Variants in DPP9 observed in about 807,000 individuals in gnomAD.
DPP9 encodes dipeptidyl peptidase IV-related protein-2.
In DPP9, 50 loss-of-function variants were observed where a neutral mutation model predicts 110.7. That is an observed-to-expected ratio of 0.45 (90% CI 0.36 to 0.57). The LOEUF is 0.57. Among genes scored for constraint, DPP9 ranks in the 20% least tolerant of loss-of-function variants. DPP9 has a pLI of 0.00. For missense variants in DPP9, 1,022 were observed against 1,217.9 expected (o/e 0.84, Z 2.39); for synonymous variants, 561 against 514.4 (o/e 1.09, Z -1.23).
chr19:4,711,771 T>A (rs867837494), intron 4 of DPP9, among the ~76,000 whole-genome samples: 11 of 30,090 alleles, frequency 3.7e-4, no homozygotes, highest in Admixed American at 1.2e-3. Flanking sequence ...AGACTCCATC[T>A]CAAAAAAAAA....
rs1167750426 is a variant in DPP9 at position 4,710,467 on chromosome 19, C to T, written c.313+3614G>A. 2.6e-5 allele frequency among the ~76,000 whole-genome samples: 4 copies of T among 152,196 alleles called. No homozygotes were observed. Among genetic ancestry groups the T allele is most frequent in the Non-Finnish European group, 2.9e-5 (2 of 68,032 alleles). On this transcript the variant is annotated intron_variant, in intron 4 of 21. Coordinates refer to ENST00000262960, the MANE Select transcript of DPP9 (RefSeq NM_139159.5). This position sits in a 1 kb window ranked among gnomAD's most constrained non-coding sequence, Gnocchi z 5.6. ...GCAGTCTGAGGCCTGGAACCTGAGC[C>T]GGCCCCAGCCCATCTTCCCAGCAGC...
At position 4,683,635 on chromosome 19, in the gene DPP9, G is replaced by A. The variant is rs943344561; in HGVS notation, c.2179-6C>T. ...TCCTCGATCTCCACCTGGCCCTGAG[G>A]GATGAAGCCGGGCACCTCTCAGTGG... On this transcript the variant is annotated splice_region_variant and splice_polypyrimidine_tract_variant and intron_variant, in intron 18 of 21. Transcript: ENST00000262960. 2 of 1,613,312 alleles carry A rather than the reference G, an allele frequency of 1.2e-6. No individual in the cohort carries two copies. Among genetic ancestry groups the A allele is most frequent in the Non-Finnish European group, 8.5e-7 (1 of 1,179,844 alleles).
chr19:4,702,796 A>G (rs1054896275), intron 7 of DPP9, 80 bp from the exon 8 acceptor site: 19 of 414,256 alleles, frequency 4.6e-5, no homozygotes, highest in Non-Finnish European at 6.3e-5. Context: ...CAAGGAGAGC[A>G]TGAGAGAGAG....
Position 4,695,294 on chromosome 19 carries a change from C to T in DPP9, c.1353+84G>A, listed in dbSNP as rs564136187. Reference sequence around the variant, plus strand: ...AAGGGCAAACACCACCTGCCATTGGCGCTCAGCCTTCTAGGACGTGGGGGT... The same window carrying T: ...AAGGGCAAACACCACCTGCCATTGGTGCTCAGCCTTCTAGGACGTGGGGGT... On this transcript the variant is annotated intron_variant, in intron 12 of 21. Transcript: ENST00000262960. The surrounding 1 kb of genome is among the most constrained non-coding windows in gnomAD (Gnocchi z 4.7). The T allele has an allele frequency of 9.3e-6, 13 of 1,393,956 alleles. No individual in the cohort carries two copies. The East Asian group carries it at 1.3e-4, about 14-fold the overall frequency. The allele number at this position is 1,393,956 out of a possible 1,614,324, so 86.3% of individuals were successfully genotyped here. A position where few individuals can be genotyped will look rare whatever the true frequency, so the allele number is the denominator to read the frequency against.
chr19:4,676,055 G>A lies in DPP9; in HGVS notation c.*509C>T. 6.4e-6 allele frequency: 1 copy of A among 156,584 alleles called. No homozygotes were observed. The highest frequency in any genetic ancestry group is 1.4e-5 in the Non-Finnish European group (1 of 70,738). The allele number at this position is 156,584 out of a possible 1,614,324, so 9.7% of individuals were successfully genotyped here. On this transcript the variant is annotated 3_prime_UTR_variant, in exon 22 of 22. Coordinates refer to ENST00000262960, the MANE Select transcript of DPP9 (RefSeq NM_139159.5). The surrounding 1 kb of genome is among the most constrained non-coding windows in gnomAD (Gnocchi z 4.0). ...CCCAAAGTGCTGGGATTACAGACGT[G>A]AGCCACCGCGCCCGGCCTGTCTTTT...
chr19:4,690,703 G>A (rs1437342315), intron 14 of DPP9, among the ~76,000 whole-genome samples, 175 bp downstream of exon 14: 2 of 152,208 alleles, frequency 1.3e-5, no homozygotes, highest in Non-Finnish European at 2.9e-5. Context: ...CCGTGCTGAG[G>A]CCTGCGAACT....
In DPP9 at chr19:4,722,533, G is replaced by A. The variant is rs1425444323; in HGVS notation, c.-70C>T. On this transcript the variant is annotated 5_prime_UTR_variant, in exon 2 of 22. Coordinates refer to ENST00000262960, the MANE Select transcript of DPP9 (RefSeq NM_139159.5). ...GGTCCAGAGAGCCTCCATTCCAGCT[G>A]CAGGCGTGGGACACAGACCTTTATA... The A allele has an allele frequency of 1.0e-5, 7 of 702,992 alleles. No homozygotes were observed. The Admixed American group carries it at 1.2e-4, about 12-fold the overall frequency. The allele number at this position is 702,992 out of a possible 1,614,324, so 43.5% of individuals were successfully genotyped here.
chr19:4,711,065 A>C (rs180997614), intron 4 of DPP9, among the ~76,000 whole-genome samples: 3 of 152,188 alleles, frequency 2.0e-5, no homozygotes, highest in Admixed American at 2.0e-4. Flanking sequence ...CTAGAACCTG[A>C]GGCATGGAAT....
intron 18 of DPP9, chr19:4,683,923 C>A: frequency 3.7e-6 from 4 of 1,067,028 alleles, no homozygotes; most frequent in East Asian, 3.1e-5. Context: ...GGAAGAGGAC[C>A]CATTTTCTAG....
chr19:4,693,989 C>T lies in DPP9; in HGVS notation c.1516+672G>A, dbSNP rs993657245. ...ACCTCCACAGCATGCTCTCCAGAGACGTCCTCATGCCCTCCCGTTGTAGAA... is the reference window on the plus strand; with the variant it reads ...ACCTCCACAGCATGCTCTCCAGAGATGTCCTCATGCCCTCCCGTTGTAGAA... On this transcript the variant is annotated intron_variant, in intron 13 of 21. Coordinates refer to ENST00000262960, the MANE Select transcript of DPP9 (RefSeq NM_139159.5). This position sits in a 1 kb window ranked among gnomAD's most constrained non-coding sequence, Gnocchi z 5.0. Among the ~76,000 whole-genome samples the T allele has an allele frequency of 1.3e-5, 2 of 152,034 alleles. No homozygotes were observed. Among genetic ancestry groups the T allele is most frequent in the Admixed American group, 6.6e-5 (1 of 15,264 alleles).
chr19:4,690,813 G>T, intron 14 of DPP9, 65 bp downstream of exon 14: 4 of 1,253,338 alleles, frequency 3.2e-6, no homozygotes, highest in Non-Finnish European at 3.5e-6. Flanking sequence ...GCGTGTGTGT[G>T]TGAGTGTATG....
In DPP9 at chr19:4,695,545, T is replaced by C. The variant is rs541362049; in HGVS notation, c.1186A>G (p.Met396Val). Residue 396 changes from methionine to valine, a missense_variant, in exon 12 of 22, where the codon ATG becomes GTG. By Grantham distance (21) the Met-to-Val change is conservative. Around this residue, in one of 3 missense-constraint regions of DPP9, gnomAD observed 810 missense variants for 920.6 expected, o/e 0.88. Coordinates refer to ENST00000262960, the MANE Select transcript of DPP9 (RefSeq NM_139159.5). The surrounding 1 kb of genome is among the most constrained non-coding windows in gnomAD (Gnocchi z 4.7). ...CACTGCTGGGGCCGGTCCAGGAACATGGCCCAGGCGCTAAGGGGGAAGATG... is the reference window on the plus strand; with the variant it reads ...CACTGCTGGGGCCGGTCCAGGAACACGGCCCAGGCGCTAAGGGGGAAGATG... ...WTRDGKYAWA[M>V]FLDRPQQWLQ... The C allele has an allele frequency of 6.2e-5, 91 of 1,472,360 alleles. No individual in the cohort carries two copies. The highest frequency in any genetic ancestry group is 6.5e-5 in the Non-Finnish European group (72 of 1,112,074). The allele number at this position is 1,472,360 out of a possible 1,614,324, so 91.2% of individuals were successfully genotyped here.
intron 4 of DPP9, 71 bp from the exon 5 acceptor site, chr19:4,706,041 C>G: frequency 7.5e-7 from 1 of 1,332,970 alleles, no homozygotes; most frequent in East Asian, 2.4e-5. Context: ...CAGCCTGCAG[C>G]TGGGCCCAGC....
At position 4,676,575 on chromosome 19, in the gene DPP9, C is replaced by T; in HGVS notation, c.2668G>A (p.Glu890Lys). ...CCCGGTGGGCAGGCTCAGAGGTATT[C>T]CTGTAGAAAGTGCAGCAACGTGACT... Reference protein sequence around the residue: ...YEVTLLHFLQEYL With the variant: ...YEVTLLHFLQKYL Residue 890 changes from glutamate to lysine, a missense_variant, in exon 22 of 22, where the codon GAA becomes AAA. Coordinates refer to ENST00000262960, the MANE Select transcript of DPP9 (RefSeq NM_139159.5). This position sits in a 1 kb window ranked among gnomAD's most constrained non-coding sequence, Gnocchi z 4.0. The T allele has an allele frequency of 6.2e-7, 1 of 1,601,522 alleles. No individual in the cohort carries two copies. The highest frequency in any genetic ancestry group is 8.5e-7 in the Non-Finnish European group (1 of 1,174,470).
chr19:4,701,762 G>A (rs919541631), intron 9 of DPP9, among the ~76,000 whole-genome samples: 7 of 152,198 alleles, frequency 4.6e-5, no homozygotes, highest in Admixed American at 3.3e-4. Context: ...GCCTGCCTTC[G>A]TCTGGCCCTG....
At chr19:4,706,294 T>G (rs1055152988) in intron 4 of DPP9, among the ~76,000 whole-genome samples, 11 of 133,494 alleles carry the variant, frequency 8.2e-5, no homozygotes, top group African/African-American at 3.2e-4. Flanking sequence ...CCCAGGAGTT[T>G]GAGACCAGCC....
At position 4,700,486 on chromosome 19, in the gene DPP9, G is replaced by A. The variant is rs1444102190; in HGVS notation, c.1013-209C>T. 1.3e-5 allele frequency among the ~76,000 whole-genome samples: 2 copies of A among 152,200 alleles called. No individual in the cohort carries two copies. The highest frequency in any genetic ancestry group is 2.9e-5 in the Non-Finnish European group (2 of 68,030). On this transcript the variant is annotated intron_variant, in intron 9 of 21. Coordinates refer to ENST00000262960, the MANE Select transcript of DPP9 (RefSeq NM_139159.5). This position sits in a 1 kb window ranked among gnomAD's most constrained non-coding sequence, Gnocchi z 4.3. ...TGACACCCTCAGGTGGGGACCTTCT[G>A]ACTTTGGGCCTGGATCGCATTCCCA...
Position 4,689,544 on chromosome 19 carries a change from G to C in DPP9, c.1749+26C>G, listed in dbSNP as rs375442012. The C allele has an allele frequency of 6.5e-7, 1 of 1,542,198 alleles. No homozygotes were observed. Among genetic ancestry groups the C allele is most frequent in the African/African-American group, 1.4e-5 (1 of 73,094 alleles). Reference sequence around the variant, plus strand: ...GGGAGCTGTTGGACGGGCACAGGGCGGTGCCGTGAGGCTGGGCGGTCCCAC... The same window carrying C: ...GGGAGCTGTTGGACGGGCACAGGGCCGTGCCGTGAGGCTGGGCGGTCCCAC... On this transcript the variant is annotated intron_variant, in intron 15 of 21. Coordinates refer to ENST00000262960, the MANE Select transcript of DPP9 (RefSeq NM_139159.5). The surrounding 1 kb of genome is among the most constrained non-coding windows in gnomAD (Gnocchi z 7.0).
At chr19:4,721,596 C>T (rs1017155934) in intron 2 of DPP9, among the ~76,000 whole-genome samples, 2 of 152,186 alleles carry the variant, frequency 1.3e-5, no homozygotes, top group African/African-American at 2.4e-5. Context: ...GCCTGGCCAA[C>T]ATGGTGAAAC....
Sources: allele counts gnomAD v4.1 joint callset (sites outside exome capture counted in the v4.1 genomes callset), GRCh38; gene constraint gnomAD v4.1.1; regional missense constraint gnomAD v4.1.1; non-coding constraint Gnocchi (gnomAD v3.1); transcripts MANE v1.5; gene names NCBI Gene and HGNC (gene_info 2026-07-23, HGNC 2026-07-21).